Variants in ELN observed in about 807,000 individuals in gnomAD.
The protein encoded by ELN is tropoelastin.
Under a neutral mutation model 105.8 loss-of-function variants are expected in ELN, and 65 were observed. The ratio of observed to expected loss-of-function variants is 0.61; its 90% CI spans 0.50 to 0.75. ELN has a LOEUF of 0.75. Ranked by LOEUF, ELN falls within the 30% of genes least tolerant of loss-of-function variation. The pLI is 0.00. For missense variants in ELN, 882 were observed against 969.4 expected, an observed-to-expected ratio of 0.91 and a Z score of 1.20; for synonymous variants, 368 against 389.2, an observed-to-expected ratio of 0.95 and a Z score of 0.64.
At chr7:74,030,084 A>G (rs1788330253) in intron 1 of ELN, among the ~76,000 whole-genome samples, 1 of 152,232 alleles carries the variant, frequency 6.6e-6, no homozygotes, top group African/African-American at 2.4e-5. Context: ...CACACTTTGC[A>G]GAGATCAATC....
At chr7:74,058,227 CT>C (rs1795780684) in intron 22 of ELN, among the ~76,000 whole-genome samples, 1 of 147,248 alleles carries the variant, frequency 6.8e-6, no homozygotes, top group African/African-American at 2.6e-5. Context: ...CTTTCTTCTT[CT>C]TCTTCCTCTT....
At chr7:74,036,019 G>A (rs1342003085) in intron 2 of ELN, among the ~76,000 whole-genome samples, 4 of 152,004 alleles carry the variant, frequency 2.6e-5, no homozygotes, top group South Asian at 2.1e-4. Flanking sequence ...GGCCAGGCAC[G>A]GTGGCTCAAG....
rs782748875 is a variant in ELN, at chr7:74,045,306, C to T, written c.541+13C>T. 3 of 1,613,868 alleles carry T rather than the reference C, an allele frequency of 1.9e-6. No individual in the cohort carries two copies. Among genetic ancestry groups the T allele is most frequent in the Non-Finnish European group, 1.7e-6 (2 of 1,179,990 alleles). On this transcript the variant is annotated intron_variant, in intron 10 of 32. Transcript: ENST00000252034. Reference sequence around the variant, plus strand: ...CCCAAGGCTCCAGGTATGCAGCTGTCTGGACAGAGGGCTGATGGCAGGGAC... The same window carrying T: ...CCCAAGGCTCCAGGTATGCAGCTGTTTGGACAGAGGGCTGATGGCAGGGAC...
At chr7:74,043,963 A>G in intron 9 of ELN, 43 bp downstream of exon 9, 2 of 1,612,636 alleles carry the variant, frequency 1.2e-6, no homozygotes, top group Non-Finnish European at 1.7e-6. Flanking sequence ...GGAAGAAAGC[A>G]GCCAGGACGC....
chr7:74,059,786 G>A (rs1467295756), intron 22 of ELN, 100 bp from the exon 23 acceptor site: 4 of 792,354 alleles, frequency 5.0e-6, no homozygotes, highest in Non-Finnish European at 6.9e-6. Flanking sequence ...GGGTCACACA[G>A]CAAATCTATG....
At chr7:74,036,424 C>T (rs1789961598) in intron 2 of ELN, 131 bp from the exon 3 acceptor site, 8 of 1,210,750 alleles carry the variant, frequency 6.6e-6, no homozygotes, top group African/African-American at 4.5e-5. Context: ...AAAACCGAGG[C>T]TTGCAGAGAG....
At chr7:74,050,511 C>T (rs1033578304) in intron 15 of ELN, among the ~76,000 whole-genome samples, 1 of 149,702 alleles carries the variant, frequency 6.7e-6, no homozygotes, top group South Asian at 2.1e-4. Flanking sequence ...CCATCCATTC[C>T]TCCATGCACC....
intron 19 of ELN, among the ~76,000 whole-genome samples, chr7:74,055,546 T>G (rs568825277): frequency 3.2e-4 from 47 of 147,952 alleles, no homozygotes; most frequent in Non-Finnish European, 6.7e-4. Flanking sequence ...GTGGCATGAT[T>G]TTGGCTCACT....
At position 74,068,652 on chromosome 7, in the gene ELN, T is replaced by A. The variant is rs539160518; in HGVS notation, c.2132-5T>A. On this transcript the variant is annotated splice_region_variant and splice_polypyrimidine_tract_variant and intron_variant, in intron 32 of 32. Coordinates refer to ENST00000252034, the MANE Select transcript of ELN (RefSeq NM_000501.4). ...TCACAGTGATGTGCACCTCCTCCCG[T>A]CCAGGTGGGGCCTGCCTGGGGAAAG... 221 of 1,614,058 alleles carry A rather than the reference T, an allele frequency of 1.4e-4. 2 individuals carry two copies. The South Asian group carries it at 1.5e-3, about 11-fold the overall frequency.
chr7:74,028,300 TGCCCACAGCTGC>T, intron 1 of ELN, 31 bp downstream of exon 1: 1 of 1,593,506 alleles, frequency 6.3e-7, no homozygotes, highest in South Asian at 1.1e-5. Flanking sequence ...TCCCCAGCGC[TGCCCACAGCTGC>T]GGGCCCTTTG....
chr7:74,043,080 G>A (rs1791613036), intron 7 of ELN, 38 bp from the exon 8 acceptor site: 4 of 1,614,200 alleles, frequency 2.5e-6, no homozygotes, highest in African/African-American at 1.3e-5. Flanking sequence ...TTGCAGGCCT[G>A]GGTGGAGCCA....
At chr7:74,030,740 A>G (rs1250464227) in intron 1 of ELN, among the ~76,000 whole-genome samples, 1 of 151,990 alleles carries the variant, frequency 6.6e-6, no homozygotes, top group African/African-American at 2.4e-5. Flanking sequence ...AAGTAGGAAC[A>G]GGGGTTTTCA....
At chr7:74,050,280 T>G (rs1462429819) in intron 15 of ELN, among the ~76,000 whole-genome samples, 2 of 151,454 alleles carry the variant, frequency 1.3e-5, no homozygotes, top group African/African-American at 4.9e-5. Flanking sequence ...CCTCTATCCA[T>G]CCACTCATCC....
At chr7:74,052,834 AGG>A in intron 17 of ELN, 5 of 334,534 alleles carry the variant, frequency 1.5e-5, no homozygotes, top group Non-Finnish European at 2.2e-5. Context: ...AGAGGGAGGG[AGG>A]GAGAGAGAGA....
chr7:74,069,422 A>G lies in ELN; in HGVS notation c.*722A>G, dbSNP rs981898035. 3.5e-4 allele frequency: 83 copies of G among 235,852 alleles called. No homozygotes were observed. The highest frequency in any genetic ancestry group is 2.6e-3 in the Middle Eastern group (2 of 784). The allele number at this position is 235,852 out of a possible 1,614,324, so 14.6% of individuals were successfully genotyped here. A position where few individuals can be genotyped will look rare whatever the true frequency, so the allele number is the denominator to read the frequency against. On this transcript the variant is annotated 3_prime_UTR_variant, in exon 33 of 33. Coordinates refer to ENST00000252034, the MANE Select transcript of ELN (RefSeq NM_000501.4). ...CACTAGCTGGCTGGGTGCACCCACC[A>G]TCAACCTGGTTGACCTGTCATGGCC...
rs1554666489 is a variant in ELN at position 74,037,688 on chromosome 7, T to A, written c.164-19T>A. 6.2e-7 allele frequency: 1 copy of A among 1,610,820 alleles called. No homozygotes were observed. The highest frequency in any genetic ancestry group is 8.5e-7 in the Non-Finnish European group (1 of 1,178,770). ...ATAAGCTGGGCCACCCCATTCACTATCTTCTCTTCCCTCTGCAGCGCTGGG... is the reference window on the plus strand; with the variant it reads ...ATAAGCTGGGCCACCCCATTCACTAACTTCTCTTCCCTCTGCAGCGCTGGG... On this transcript the variant is annotated intron_variant, in intron 3 of 32. Coordinates refer to ENST00000252034, the MANE Select transcript of ELN (RefSeq NM_000501.4).
chr7:74,042,529 G>C, intron 5 of ELN, 85 bp from the exon 6 acceptor site: 1 of 1,239,238 alleles, frequency 8.1e-7, no homozygotes, highest in South Asian at 1.3e-5. Flanking sequence ...TGCTTCCTGA[G>C]TGGGGCACAG....
At chr7:74,051,568 G>T (rs1583854932) in intron 15 of ELN, among the ~76,000 whole-genome samples, 182 bp from the exon 16 acceptor site, 1 of 152,150 alleles carries the variant, frequency 6.6e-6, no homozygotes, top group African/African-American at 2.4e-5. Context: ...GGACACTTTG[G>T]GGGAGAGTCA....
intron 15 of ELN, among the ~76,000 whole-genome samples, chr7:74,050,469 C>T (rs1554675416): frequency 5.3e-5 from 8 of 151,790 alleles, no homozygotes; most frequent in Non-Finnish European, 1.5e-5. Flanking sequence ...ATCCATCCAT[C>T]CATCCATCTG....
Sources: allele counts gnomAD v4.1 joint callset (sites outside exome capture counted in the v4.1 genomes callset), GRCh38; gene constraint gnomAD v4.1.1; transcripts MANE v1.5; gene names NCBI Gene and HGNC (gene_info 2026-07-23, HGNC 2026-07-21).